DEK: variants seen among roughly 807,000 people sequenced by gnomAD.
DEK encodes the protein protein DEK.
DEK carries 28 observed loss-of-function variants against 46.8 expected under a neutral mutation model. That is an observed-to-expected ratio of 0.60 (90% confidence interval 0.44 to 0.82). The LOEUF is 0.82. Ranked by LOEUF, DEK falls within the 40% of genes least tolerant of loss-of-function variation. The pLI is 0.00. For missense variants in DEK, 416 were observed against 430.6 expected, an observed-to-expected ratio of 0.97 and a Z score of 0.30; for synonymous variants, 160 against 144.5, an observed-to-expected ratio of 1.11 and a Z score of -0.77.
chr6:18,250,386 G>A (rs897353919), intron 6 of DEK, among the ~76,000 whole-genome samples: 2 of 151,828 alleles, frequency 1.3e-5, no homozygotes, highest in African/African-American at 2.4e-5. Flanking sequence ...GGAGAAAGGC[G>A]TGAACCCAGG....
chr6:18,246,624 T>A (rs947346164), intron 7 of DEK, among the ~76,000 whole-genome samples: 5 of 152,226 alleles, frequency 3.3e-5, no homozygotes, highest in African/African-American at 1.2e-4. Flanking sequence ...ATAAACACCT[T>A]AGTCTTCTAC....
intron 2 of DEK, among the ~76,000 whole-genome samples, chr6:18,263,292 T>C (rs1178159191): frequency 1.3e-5 from 2 of 152,206 alleles, no homozygotes; most frequent in African/African-American, 4.8e-5. Flanking sequence ...TTTTAACTAC[T>C]TTCTCAAGTA....
At chr6:18,228,618 T>A (rs1456417700) in intron 9 of DEK, among the ~76,000 whole-genome samples, 2 of 152,180 alleles carry the variant, frequency 1.3e-5, no homozygotes, top group Non-Finnish European at 2.9e-5. Context: ...GAATTCCCTT[T>A]CCTAGCCAAA....
At chr6:18,247,998 G>A (rs1469484840) in intron 7 of DEK, among the ~76,000 whole-genome samples, 1 of 152,068 alleles carries the variant, frequency 6.6e-6, no homozygotes, top group Non-Finnish European at 1.5e-5. Context: ...CCTGCACCTA[G>A]TAATGACAAG....
chr6:18,226,269 T>C, intron 9 of DEK, 27 bp from the exon 10 acceptor site: 1 of 1,323,678 alleles, frequency 7.6e-7, no homozygotes, highest in Non-Finnish European at 1.0e-6. Context: ...GGAAAAATAA[T>C]GTTAAAAGCA....
chr6:18,250,105 C>T (rs542870551), intron 6 of DEK, among the ~76,000 whole-genome samples: 1 of 152,246 alleles, frequency 6.6e-6, no homozygotes, highest in Non-Finnish European at 1.5e-5. Flanking sequence ...ACTAGAAGCT[C>T]AAGACACATT....
chr6:18,249,909 T>C, intron 6 of DEK, 70 bp from the exon 7 acceptor site: 2 of 1,481,962 alleles, frequency 1.3e-6, no homozygotes, highest in Admixed American at 5.2e-5. Context: ...CTTGAAAACT[T>C]ATCAACTCAA....
intron 6 of DEK, among the ~76,000 whole-genome samples, chr6:18,251,340 C>T (rs1306137121): frequency 2.6e-5 from 4 of 152,100 alleles, no homozygotes; most frequent in Admixed American, 6.5e-5. Context: ...GAGACTAGAA[C>T]GACAGGTCCT....
At chr6:18,245,772 T>C (rs768255123) in intron 7 of DEK, among the ~76,000 whole-genome samples, 1 of 152,276 alleles carries the variant, frequency 6.6e-6, no homozygotes, top group Non-Finnish European at 1.5e-5. Context: ...AACGGCTCAT[T>C]GATACGGTTT....
In DEK at chr6:18,258,053, T is replaced by C; in HGVS notation, c.257A>G (p.Gln86Arg). The change falls in exon 4 of 11, where the codon CAG becomes CGG. Residue 86 changes from glutamine to arginine, a missense_variant. Coordinates refer to ENST00000652689, the MANE Select transcript of DEK (RefSeq NM_003472.4). ...EPFTIAQGKG[Q>R]KLCEIERIHF... Reference sequence around the variant, plus strand: ...TATCCTCTCAATTTCACAAAGTTTCTGCCCCTTTCCTGGGGAAAAAAAAAA... The same window carrying C: ...TATCCTCTCAATTTCACAAAGTTTCCGCCCCTTTCCTGGGGAAAAAAAAAA... 6.2e-7 allele frequency: 1 copy of C among 1,602,990 alleles called. No homozygotes were observed. Among genetic ancestry groups the C allele is most frequent in the Non-Finnish European group, 8.5e-7 (1 of 1,176,668 alleles).
intron 7 of DEK, among the ~76,000 whole-genome samples, chr6:18,249,233 GA>G (rs1561985880): frequency 1.3e-5 from 2 of 152,188 alleles, no homozygotes; most frequent in East Asian, 3.9e-4. Flanking sequence ...TTGAGGGGGG[GA>G]AAAAGGCCCT....
In DEK at chr6:18,223,961, C is replaced by CTACT. The variant is rs897882864; in HGVS notation, c.*1754_*1757dup. 67 of 152,646 alleles carry CTACT rather than the reference C, an allele frequency of 4.4e-4. No homozygotes were observed. Among genetic ancestry groups the CTACT allele is most frequent in the African/African-American group, 1.5e-3 (61 of 41,586 alleles). 9.5% of individuals were successfully genotyped at this position (152,646 alleles called of 1,614,324 possible). On this transcript the variant is annotated 3_prime_UTR_variant, in exon 11 of 11. Transcript: ENST00000652689. ...TCACTTCCAAATACTCTATGCATGACTACTTACCTTCTTTATAGCAAATGG... is the reference window on the plus strand; with the variant it reads ...TCACTTCCAAATACTCTATGCATGACTACTTACTTACCTTCTTTATAGCAAATGG...
chr6:18,237,159 A>C, intron 8 of DEK: 1 of 410,190 alleles, frequency 2.4e-6, no homozygotes, highest in Non-Finnish European at 4.1e-6. Flanking sequence ...CCCATCCCCA[A>C]GATATCTCTC....
chr6:18,237,846 C>T (rs1200472829), intron 7 of DEK, among the ~76,000 whole-genome samples: 2 of 143,970 alleles, frequency 1.4e-5, no homozygotes, highest in Non-Finnish European at 3.0e-5. Flanking sequence ...TGTTCTCTCT[C>T]TTTCAACTGG....
rs1310055386 is a variant in DEK at position 18,225,392 on chromosome 6, G to A, written c.*327C>T. ...CTACTTGATTAAAAGTATGCCTTAA[G>A]CAAGCTAATATTAAGTGCACTAAAA... On this transcript the variant is annotated 3_prime_UTR_variant, in exon 11 of 11. Coordinates refer to ENST00000652689, the MANE Select transcript of DEK (RefSeq NM_003472.4). 3.4e-6 allele frequency: 1 copy of A among 293,664 alleles called. No individual in the cohort carries two copies. The highest frequency in any genetic ancestry group is 6.3e-6 in the Non-Finnish European group (1 of 158,050). 18.2% of individuals were successfully genotyped at this position (293,664 alleles called of 1,614,324 possible). A position where few individuals can be genotyped will look rare whatever the true frequency, so the allele number is the denominator to read the frequency against.
chr6:18,254,457 C>T (rs1355409423), intron 6 of DEK, among the ~76,000 whole-genome samples: 2 of 152,068 alleles, frequency 1.3e-5, no homozygotes, highest in Non-Finnish European at 1.5e-5. Flanking sequence ...CATAAAATGC[C>T]ACTCTTTCAT....
chr6:18,243,363 G>A (rs1239255969), intron 7 of DEK, among the ~76,000 whole-genome samples: 1 of 151,788 alleles, frequency 6.6e-6, no homozygotes, highest in Non-Finnish European at 1.5e-5. Flanking sequence ...CTCAGGTATA[G>A]AATAAGATAA....
At position 18,258,065 on chromosome 6, in the gene DEK, G is replaced by T; in HGVS notation, c.248-3C>A. The T allele has an allele frequency of 6.4e-7, 1 of 1,570,740 alleles. No individual in the cohort carries two copies. The highest frequency in any genetic ancestry group is 8.6e-7 in the Non-Finnish European group (1 of 1,160,116). On this transcript the variant is annotated splice_polypyrimidine_tract_variant and splice_region_variant and intron_variant, in intron 3 of 10. Transcript: ENST00000652689. Reference sequence around the variant, plus strand: ...TTCACAAAGTTTCTGCCCCTTTCCTGGGGAAAAAAAAAAATCACAATTAAA... The same window carrying T: ...TTCACAAAGTTTCTGCCCCTTTCCTTGGGAAAAAAAAAAATCACAATTAAA...
At chr6:18,230,248 C>T (rs989671845) in intron 9 of DEK, among the ~76,000 whole-genome samples, 1 of 152,020 alleles carries the variant, frequency 6.6e-6, no homozygotes, top group Non-Finnish European at 1.5e-5. Flanking sequence ...TGGAAAGGAA[C>T]AACCGGTACC....
Sources: gnomAD v4.1 joint callset for allele counts (sites outside exome capture counted in the v4.1 genomes callset) on GRCh38, gnomAD v4.1.1 for gene constraint, MANE v1.5 for transcripts, NCBI Gene and HGNC (gene_info 2026-07-23, HGNC 2026-07-21) for gene names.